The following FHIT variants were observed in gnomAD, a reference collection of about 807,000 sequenced individuals.
FHIT encodes the protein fragile histidine triad diadenosine triphosphatase, also known as bis(5'-adenosyl)-triphosphatase.
In FHIT, 19 loss-of-function variants were observed where a neutral mutation model predicts 17.9. The observed-to-expected ratio is 1.06, with a 90% confidence interval of 0.74 to 1.56. The LOEUF is 1.56. FHIT is among the 40% of genes most tolerant of loss of function. The pLI, the probability that FHIT is intolerant of heterozygous loss-of-function variation, is 0.00. For missense variants in FHIT, 248 were observed against 189.2 expected, an observed-to-expected ratio of 1.31 and a Z score of -1.82; for synonymous variants, 81 against 69.7, an observed-to-expected ratio of 1.16 and a Z score of -0.81.
intron 5 of FHIT, among the ~76,000 whole-genome samples, chr3:60,055,338 C>T (rs966413079): frequency 2.6e-5 from 4 of 152,110 alleles, no homozygotes; most frequent in Non-Finnish European, 5.9e-5. Flanking sequence ...GCCTGTCAAA[C>T]ACTGTCCTAC....
intron 4 of FHIT, among the ~76,000 whole-genome samples, chr3:60,685,314 G>T (rs1553698105): frequency 6.6e-6 from 1 of 152,060 alleles, no homozygotes; most frequent in East Asian, 1.9e-4. Flanking sequence ...TCAATCCTCA[G>T]GCCCAGCTAA....
intron 5 of FHIT, among the ~76,000 whole-genome samples, chr3:60,255,362 C>T (rs145667408): frequency 6.6e-6 from 1 of 152,260 alleles, no homozygotes; most frequent in African/African-American, 2.4e-5. Flanking sequence ...TCGACAATAA[C>T]TGCACAGGAT....
chr3:59,751,383 G>A (rs1700889512), intron 9 of FHIT: 1 of 186,952 alleles, frequency 5.3e-6, no homozygotes, highest in Admixed American at 6.2e-5. Context: ...TGGGATTATA[G>A]GCATGAGCCA....
At chr3:59,923,849 A>G (rs1020150811) in intron 7 of FHIT, among the ~76,000 whole-genome samples, 2 of 152,164 alleles carry the variant, frequency 1.3e-5, no homozygotes, top group Admixed American at 6.5e-5. Context: ...AAGCCGAGGC[A>G]GGGTGCAACG....
chr3:61,040,633 C>A lies in FHIT; in HGVS notation c.-111+1414G>T, dbSNP rs560543658. Among the ~76,000 whole-genome samples the A allele has an allele frequency of 3.9e-5, 6 of 152,276 alleles. No individual in the cohort carries two copies. The South Asian group carries it at 1.2e-3, about 32-fold the overall frequency. On this transcript the variant is annotated intron_variant, in intron 3 of 9. Transcript: ENST00000492590. ...CTTTAACTTGATGAAGGGATCTACA[C>A]AGAATGAAGCAGACTACACACGGCC...
chr3:60,929,633 T>C (rs1707842435), intron 3 of FHIT, among the ~76,000 whole-genome samples: 1 of 152,026 alleles, frequency 6.6e-6, no homozygotes, highest in Non-Finnish European at 1.5e-5. Context: ...GAGAATAAAA[T>C]ACCTAGGAAT....
intron 8 of FHIT, among the ~76,000 whole-genome samples, chr3:59,776,452 A>T (rs1285200990): frequency 3.3e-5 from 5 of 152,204 alleles, no homozygotes; most frequent in African/African-American, 4.8e-5. Flanking sequence ...ATAATAATAC[A>T]GGACATTGCA....
At chr3:60,040,973 A>G (rs1701414376) in intron 5 of FHIT, among the ~76,000 whole-genome samples, 1 of 152,080 alleles carries the variant, frequency 6.6e-6, no homozygotes, top group African/African-American at 2.4e-5. Flanking sequence ...TTGCTCCCCT[A>G]AAAGCTAGAA....
chr3:59,774,066 G>GT (rs1484375606), intron 8 of FHIT, among the ~76,000 whole-genome samples: 1 of 152,006 alleles, frequency 6.6e-6, no homozygotes, highest in African/African-American at 2.4e-5. Context: ...AGTCACATGT[G>GT]TGGTTCCCAT....
intron 3 of FHIT, among the ~76,000 whole-genome samples, chr3:61,014,838 T>TTATATATGTA (rs1300400300): frequency 3.0e-5 from 4 of 133,558 alleles, no homozygotes; most frequent in Admixed American, 1.5e-4. Context: ...ATACACATCC[T>TTATATATGTA]TATATATGTA....
At chr3:60,476,610 G>T (rs555920262) in intron 5 of FHIT, among the ~76,000 whole-genome samples, 2 of 152,274 alleles carry the variant, frequency 1.3e-5, no homozygotes, top group Admixed American at 1.3e-4. Context: ...GTTCTCAGGA[G>T]GGGTATTCAA....
chr3:60,163,280 C>A lies in FHIT; in HGVS notation c.104-149128G>T, dbSNP rs558542991. ...CCAAAATGAGTGCTCTTTTCTGTTA[C>A]AATACATGCTACTATGTCACCTCCA... On this transcript the variant is annotated intron_variant, in intron 5 of 9. Transcript: ENST00000492590. Among the ~76,000 whole-genome samples, 5 of 152,234 alleles carry A rather than the reference C, an allele frequency of 3.3e-5. No individual in the cohort carries two copies. The East Asian group carries it at 9.7e-4, about 29-fold the overall frequency.
chr3:60,703,318 A>G (rs563154421), intron 4 of FHIT, among the ~76,000 whole-genome samples: 1 of 152,204 alleles, frequency 6.6e-6, no homozygotes, highest in Non-Finnish European at 1.5e-5. Flanking sequence ...TTGAACCTCT[A>G]GCTTTCAAAA....
chr3:60,322,842 A>T (rs750128736), intron 5 of FHIT, among the ~76,000 whole-genome samples: 11 of 152,206 alleles, frequency 7.2e-5, no homozygotes, highest in Non-Finnish European at 1.3e-4. Context: ...GACGACTATA[A>T]AAGATGATCA....
At chr3:60,797,455 C>CAGTAGTAGTAGT (rs59090057) in intron 4 of FHIT, among the ~76,000 whole-genome samples, 4,517 of 148,040 alleles carry the variant, frequency 0.031, 95 homozygotes, top group Non-Finnish European at 0.037. Context: ...AAAGAAATTG[C>CAGTAGTAGTAGT]AGTAGTAGTA....
intron 4 of FHIT, among the ~76,000 whole-genome samples, chr3:60,795,003 C>A (rs143327659): frequency 3.3e-5 from 5 of 152,324 alleles, no homozygotes; most frequent in Non-Finnish European, 5.9e-5. Flanking sequence ...TCATTGTAAT[C>A]CGTTGCTTTT....
intron 2 of FHIT, among the ~76,000 whole-genome samples, chr3:61,099,449 A>G (rs2035749781): frequency 6.6e-6 from 1 of 151,988 alleles, no homozygotes; most frequent in Admixed American, 6.6e-5. Context: ...GTTAGGGAGG[A>G]GTCCCTCCTC....
At position 61,162,816 on chromosome 3, in the gene FHIT, A is replaced by G. The variant is rs2037735403; in HGVS notation, c.-164+37801T>C. Among the ~76,000 whole-genome samples the G allele has an allele frequency of 2.6e-5, 4 of 152,308 alleles. No homozygotes were observed. The East Asian group carries it at 5.8e-4, about 22-fold the overall frequency. On this transcript the variant is annotated intron_variant, in intron 2 of 9. Transcript: ENST00000492590. ...CAATTAATCCCCCTACCCCACCCTC[A>G]GAAACCAGTTTTGCCCTCCATTTGT...
chr3:61,188,433 A>G (rs1250777945), intron 2 of FHIT, among the ~76,000 whole-genome samples: 1 of 152,212 alleles, frequency 6.6e-6, no homozygotes, highest in Non-Finnish European at 1.5e-5. Context: ...AATTGAGGCA[A>G]TAAGTAATAG....
Sources: gnomAD v4.1 joint callset for allele counts (sites outside exome capture counted in the v4.1 genomes callset) on GRCh38, gnomAD v4.1.1 for gene constraint, MANE v1.5 for transcripts, NCBI Gene and HGNC (gene_info 2026-07-23, HGNC 2026-07-21) for gene names.